CACNA1A: variants seen among roughly 807,000 people sequenced by gnomAD.
CACNA1A encodes voltage-dependent P/Q-type calcium channel subunit alpha-1A.
CACNA1A carries 57 observed loss-of-function variants against 262.4 expected under a neutral mutation model. The ratio of observed to expected loss-of-function variants is 0.22; its 90% CI spans 0.18 to 0.27. CACNA1A has a LOEUF of 0.27. Ranked by LOEUF, CACNA1A falls within the 10% of genes least tolerant of loss-of-function variation. CACNA1A has a pLI of 1.00. For missense variants in CACNA1A, 2,526 were observed against 3,562.8 expected, an observed-to-expected ratio of 0.71 and a Z score of 7.41; for synonymous variants, 1,431 against 1,419.3, an observed-to-expected ratio of 1.01 and a Z score of -0.18.
At chr19:13,243,441 G>GA (rs1280191300) in intron 31 of CACNA1A, among the ~76,000 whole-genome samples, 2 of 152,184 alleles carry the variant, frequency 1.3e-5, no homozygotes, top group African/African-American at 2.4e-5. Flanking sequence ...TCTGTAGGGG[G>GA]ATCTGACTGG....
At chr19:13,311,661 C>A (rs561297006) in intron 12 of CACNA1A, among the ~76,000 whole-genome samples, 1 of 151,520 alleles carries the variant, frequency 6.6e-6, no homozygotes, top group East Asian at 1.9e-4. Context: ...CACGGTGAAA[C>A]CCCATCTCTA....
chr19:13,497,560 ATATATATATATATATAT>A (rs1568709976), intron 1 of CACNA1A, among the ~76,000 whole-genome samples: 1,545 of 46,910 alleles, frequency 0.033, 418 homozygotes, highest in Non-Finnish European at 0.036. Context: ...ATATATATAT[ATATATATATATATATAT>A]ATAAATTTAT....
intron 4 of CACNA1A, among the ~76,000 whole-genome samples, chr19:13,367,061 G>A (rs117374496): frequency 0.034 from 5,226 of 152,188 alleles, 124 homozygotes; most frequent in Middle Eastern, 0.078. Context: ...TTGGGAAGCC[G>A]AGGCCAGCGG....
chr19:13,309,340 T>C, intron 12 of CACNA1A, among the ~76,000 whole-genome samples: 1 of 151,946 alleles, frequency 6.6e-6, no homozygotes, highest in Admixed American at 6.6e-5. Flanking sequence ...CCCACAGGCC[T>C]GAGAATTCCT....
rs371395911 is a variant in CACNA1A, at chr19:13,262,869, G to C, written c.3990-36C>G. 4.7e-5 allele frequency: 67 copies of C among 1,430,500 alleles called. No individual in the cohort carries two copies. In the African/African-American group the frequency reaches 8.4e-4, roughly 18 times the overall value. 88.6% of individuals were successfully genotyped at this position (1,430,500 alleles called of 1,614,324 possible). A position where few individuals can be genotyped will look rare whatever the true frequency, so the allele number is the denominator to read the frequency against. On this transcript the variant is annotated intron_variant, in intron 24 of 46. Coordinates refer to ENST00000360228, the MANE Select transcript of CACNA1A (RefSeq NM_001127222.2). ...ATGTTTAGGTGGGAAGAAGGGAAGA[G>C]AGGAAGCAGAGGTCAGGTTGGGTAG...
At chr19:13,407,946 G>C (rs1425625152) in intron 3 of CACNA1A, among the ~76,000 whole-genome samples, 2 of 151,040 alleles carry the variant, frequency 1.3e-5, no homozygotes, top group Non-Finnish European at 2.9e-5. Flanking sequence ...GTGAGTTCTC[G>C]TGAGACCTGG....
At chr19:13,452,834 T>G (rs2060940468) in intron 3 of CACNA1A, 42 bp downstream of exon 3, 1 of 1,585,330 alleles carries the variant, frequency 6.3e-7, no homozygotes, top group Non-Finnish European at 8.6e-7. Flanking sequence ...CTCGTAATCC[T>G]TCAGCTAGTT....
intron 5 of CACNA1A, among the ~76,000 whole-genome samples, chr19:13,361,275 A>G (rs2059106124): frequency 6.6e-6 from 1 of 152,070 alleles, no homozygotes; most frequent in Non-Finnish European, 1.5e-5. Flanking sequence ...GTGCCAACAG[A>G]CACCCCTTTT....
chr19:13,287,317 C>T (rs1455164084), intron 19 of CACNA1A, among the ~76,000 whole-genome samples: 3 of 151,976 alleles, frequency 2.0e-5, no homozygotes, highest in Admixed American at 6.5e-5. Flanking sequence ...CCCCACTGCA[C>T]TCCAGTCTGG....
intron 10 of CACNA1A, among the ~76,000 whole-genome samples, chr19:13,323,223 C>T (rs112411005): frequency 0.2 from 30,181 of 151,886 alleles, 3,640 homozygotes; most frequent in East Asian, 0.36. Flanking sequence ...CACAACACTG[C>T]GCTCCAGCTT....
intron 43 of CACNA1A, 90 bp from the exon 44 acceptor site, chr19:13,210,742 C>A (rs2054782198): frequency 6.8e-6 from 9 of 1,324,510 alleles, no homozygotes; most frequent in Non-Finnish European, 9.6e-6. Context: ...GGAGGTGGTG[C>A]ATGGAGAAGA....
chr19:13,303,073 G>C (rs1362482751), intron 17 of CACNA1A, among the ~76,000 whole-genome samples: 3 of 152,054 alleles, frequency 2.0e-5, no homozygotes, highest in Non-Finnish European at 4.4e-5. Context: ...GCCAGAGGAA[G>C]AGAGAAGGTG....
chr19:13,343,557 C>G (rs575619383), intron 6 of CACNA1A, among the ~76,000 whole-genome samples: 1 of 152,136 alleles, frequency 6.6e-6, no homozygotes, highest in South Asian at 2.1e-4. Flanking sequence ...TGGACATTCT[C>G]CAAGACAGAC....
In CACNA1A at chr19:13,212,554, G is replaced by A. The variant is rs1052204317; in HGVS notation, c.6051-32C>T. 9 of 1,533,718 alleles carry A rather than the reference G, an allele frequency of 5.9e-6. No individual in the cohort carries two copies. The highest frequency in any genetic ancestry group is 7.1e-6 in the Non-Finnish European group (8 of 1,134,582). On this transcript the variant is annotated intron_variant, in intron 41 of 46. Transcript: ENST00000360228. This position sits in a 1 kb window ranked among gnomAD's most constrained non-coding sequence, Gnocchi z 5.6. ...GGGGGACAGAGGCCGGGGTAGCAGT[G>A]GGCGCTTGGGCAGCTTCCAGAACGT...
At position 13,214,418 on chromosome 19, in the gene CACNA1A, C is replaced by T; in HGVS notation, c.5839+83G>A. On this transcript the variant is annotated intron_variant, in intron 39 of 46. Coordinates refer to ENST00000360228, the MANE Select transcript of CACNA1A (RefSeq NM_001127222.2). The surrounding 1 kb of genome is among the most constrained non-coding windows in gnomAD (Gnocchi z 4.1). The stretch of plus-strand genomic sequence containing the variant: ...GGTCCCTGTGTATACCAGCCCAGGC[C>T]AACACTCTCCCCAGGCCTCCCCTTT... 6.5e-7 allele frequency: 1 copy of T among 1,544,170 alleles called. No homozygotes were observed. The highest frequency in any genetic ancestry group is 1.1e-5 in the South Asian group (1 of 88,346).
chr19:13,408,863 C>T (rs1158803245), intron 3 of CACNA1A, among the ~76,000 whole-genome samples: 3 of 151,978 alleles, frequency 2.0e-5, no homozygotes, highest in Non-Finnish European at 4.4e-5. Flanking sequence ...TGGTGAGGCT[C>T]GATTGTGTTG....
Position 13,206,676 on chromosome 19 carries a change from GTTA to G in CACNA1A, c.*634_*636del, listed in dbSNP as rs143342886. ...TTTGTCCTTTTTAAAATTGTTTATT[GTTA>G]TTATTATTTTTTTAAATTGATTTCT... On this transcript the variant is annotated 3_prime_UTR_variant, in exon 47 of 47. Transcript: ENST00000360228. 0.55 allele frequency: 83,715 copies of G among 153,080 alleles called. 24,377 individuals are homozygous for G. Among genetic ancestry groups the G allele is most frequent in the African/African-American group, 0.76 (31,126 of 41,174 alleles). 9.5% of individuals were successfully genotyped at this position (153,080 alleles called of 1,614,324 possible).
chr19:13,208,511 G>A (rs1445182092), intron 46 of CACNA1A, among the ~76,000 whole-genome samples: 5 of 150,914 alleles, frequency 3.3e-5, no homozygotes, highest in African/African-American at 9.7e-5. Context: ...AAGCAGCTGC[G>A]GGCGGCGGGG....
intron 1 of CACNA1A, 57 bp downstream of exon 1, chr19:13,505,875 G>A (rs1249217827): frequency 3.2e-6 from 5 of 1,540,612 alleles, no homozygotes; most frequent in Non-Finnish European, 4.4e-6. Context: ...TGGAAGAGGG[G>A]AGGCGGAGGG....
Sources: gnomAD v4.1 joint callset for allele counts (sites outside exome capture counted in the v4.1 genomes callset) on GRCh38, gnomAD v4.1.1 for gene constraint, Gnocchi (gnomAD v3.1) non-coding constraint, MANE v1.5 for transcripts, NCBI Gene and HGNC (gene_info 2026-07-23, HGNC 2026-07-21) for gene names.